Variants in LINGO2 observed in about 807,000 individuals in gnomAD.
LINGO2 encodes the protein leucine rich repeat and Ig domain containing 2.
A neutral mutation model predicts 30.6 loss-of-function variants in LINGO2; 14 were observed. That is an observed-to-expected ratio of 0.46 (90% CI 0.30 to 0.72). The LOEUF is 0.72. LINGO2 is among the 30% of genes least tolerant of loss of function. The pLI is 0.07. For missense variants in LINGO2, 729 were observed against 751.7 expected, an observed-to-expected ratio of 0.97 and a Z score of 0.35; for synonymous variants, 317 against 288.5, an observed-to-expected ratio of 1.10 and a Z score of -1.00.
chr9:28,451,022 G>A (rs1455097688), intron 2 of LINGO2, among the ~76,000 whole-genome samples: 1 of 151,768 alleles, frequency 6.6e-6, no homozygotes, highest in Non-Finnish European at 1.5e-5. Context: ...AATTGGTAGA[G>A]TAGTTTAAAA....
chr9:28,084,327 G>T (rs1286828217), intron 4 of LINGO2, among the ~76,000 whole-genome samples: 1 of 152,016 alleles, frequency 6.6e-6, no homozygotes, highest in African/African-American at 2.4e-5. Context: ...GCACCTGCAG[G>T]TGCTGAGCTC....
Position 28,374,148 on chromosome 9 carries a change from G to A in LINGO2, c.-278-1280C>T, listed in dbSNP as rs540660570. 1.9e-3 allele frequency among the ~76,000 whole-genome samples: 286 copies of A among 150,108 alleles called. 2 individuals are homozygous for A. Among genetic ancestry groups the A allele is most frequent in the African/African-American group, 6.5e-3 (265 of 40,752 alleles). The stretch of plus-strand genomic sequence containing the variant: ...TCGGCACCACGACGTGAAGGCCTAC[G>A]GAGTATTTGATACATCAATATATGT... On this transcript the variant is annotated intron_variant, in intron 2 of 5. Transcript: ENST00000379992.
intron 4 of LINGO2, among the ~76,000 whole-genome samples, chr9:28,189,067 A>G (rs1233156861): frequency 6.6e-6 from 1 of 151,952 alleles, no homozygotes; most frequent in Non-Finnish European, 1.5e-5. Context: ...AAAAGTTCAC[A>G]TTGTGAGGCC....
chr9:29,017,494 A>AAT, the LINGO2 span, among the ~76,000 whole-genome samples: 1 of 152,156 alleles, frequency 6.6e-6, no homozygotes, highest in South Asian at 2.1e-4. Context: ...GCAATATTAA[A>AAT]AATAATAATG....
At chr9:28,656,646 G>A (rs905319367) in intron 1 of LINGO2, among the ~76,000 whole-genome samples, 4 of 152,052 alleles carry the variant, frequency 2.6e-5, no homozygotes, top group African/African-American at 9.7e-5. Flanking sequence ...AGAGACATGT[G>A]ATCCTATGCT....
chr9:28,780,830 A>ATGTGTGTGTG, the LINGO2 span, among the ~76,000 whole-genome samples: 360 of 127,496 alleles, frequency 2.8e-3, 3 homozygotes, highest in African/African-American at 9.1e-3. Flanking sequence ...CTTGGTAGTA[A>ATGTGTGTGTG]TGTGTGTGTG....
At chr9:29,112,986 A>G in the LINGO2 span, among the ~76,000 whole-genome samples, 2 of 152,228 alleles carry the variant, frequency 1.3e-5, no homozygotes, top group Non-Finnish European at 2.9e-5. Flanking sequence ...TTTAGTAAGT[A>G]AAGGATTAGA....
intron 5 of LINGO2, among the ~76,000 whole-genome samples, chr9:27,976,634 C>T (rs1397831823): frequency 2.6e-5 from 4 of 151,994 alleles, no homozygotes; most frequent in African/African-American, 7.2e-5. Flanking sequence ...TGCCCAATGT[C>T]GCAGTCTAGT....
intron 4 of LINGO2, among the ~76,000 whole-genome samples, chr9:28,250,694 A>G (rs1004904156): frequency 6.6e-6 from 1 of 152,340 alleles, no homozygotes; most frequent in Non-Finnish European, 1.5e-5. Flanking sequence ...GAGCTACGCT[A>G]TAGAAGAGAA....
the LINGO2 span, among the ~76,000 whole-genome samples, chr9:28,739,171 C>G: frequency 6.6e-6 from 1 of 151,854 alleles, no homozygotes; most frequent in Non-Finnish European, 1.5e-5. Flanking sequence ...TTGGGCAGTA[C>G]TTTTCCAAAA....
At chr9:28,564,350 G>T (rs567413652) in intron 1 of LINGO2, among the ~76,000 whole-genome samples, 3 of 152,028 alleles carry the variant, frequency 2.0e-5, no homozygotes, top group African/African-American at 7.2e-5. Context: ...TAGATGAACC[G>T]GGAGTAGATA....
At chr9:28,985,587 T>A in the LINGO2 span, among the ~76,000 whole-genome samples, 1 of 152,082 alleles carries the variant, frequency 6.6e-6, no homozygotes, top group Non-Finnish European at 1.5e-5. Flanking sequence ...TCATTTTGCT[T>A]TGAACTTAAA....
At chr9:28,978,957 A>C in the LINGO2 span, among the ~76,000 whole-genome samples, 1 of 152,180 alleles carries the variant, frequency 6.6e-6, no homozygotes, top group Admixed American at 6.6e-5. Flanking sequence ...AATATCATTT[A>C]AATGAGGGTA....
At chr9:28,278,223 T>C (rs2134116448) in intron 4 of LINGO2, among the ~76,000 whole-genome samples, 1 of 152,324 alleles carries the variant, frequency 6.6e-6, no homozygotes, top group Non-Finnish European at 1.5e-5. Context: ...ACAAAAGCTG[T>C]CTCTATAACA....
the LINGO2 span, among the ~76,000 whole-genome samples, chr9:29,045,206 C>CT: frequency 6.6e-6 from 1 of 152,060 alleles, no homozygotes; most frequent in Non-Finnish European, 1.5e-5. Flanking sequence ...ATCATGGCTA[C>CT]TCAGAAAAGC....
At chr9:28,351,072 A>T (rs1819857897) in intron 3 of LINGO2, among the ~76,000 whole-genome samples, 1 of 152,022 alleles carries the variant, frequency 6.6e-6, no homozygotes, top group South Asian at 2.1e-4. Flanking sequence ...TGGCACCCTA[A>T]CATCACAATT....
intron 4 of LINGO2, among the ~76,000 whole-genome samples, chr9:28,267,361 T>C (rs1822789236): frequency 1.3e-5 from 2 of 152,006 alleles, no homozygotes; most frequent in South Asian, 4.1e-4. Context: ...CTTATTCCTT[T>C]GCTTAGGGCA....
chr9:28,420,543 ATTGT>A (rs1176666662), intron 2 of LINGO2, among the ~76,000 whole-genome samples: 2 of 152,026 alleles, frequency 1.3e-5, no homozygotes, highest in Non-Finnish European at 2.9e-5. Flanking sequence ...TATGCATACC[ATTGT>A]TTGTAAGAAA....
the LINGO2 span, among the ~76,000 whole-genome samples, chr9:28,982,564 T>A: frequency 6.6e-6 from 1 of 152,014 alleles, no homozygotes; most frequent in Non-Finnish European, 1.5e-5. Context: ...TAAGGTATCA[T>A]ATTTATTTCA....
Sources: gnomAD v4.1 joint callset for allele counts (sites outside exome capture counted in the v4.1 genomes callset) on GRCh38, gnomAD v4.1.1 for gene constraint, MANE v1.5 for transcripts, NCBI Gene and HGNC (gene_info 2026-07-23, HGNC 2026-07-21) for gene names.